Variants in DNAH5 observed in about 807,000 individuals in gnomAD.
DNAH5 encodes dynein axonemal heavy chain 5.
DNAH5 carries 372 observed loss-of-function variants against 518.2 expected under a neutral mutation model. The observed-to-expected ratio is 0.72, with a 90% confidence interval of 0.66 to 0.78. DNAH5 has a LOEUF of 0.78. DNAH5 is among the 30% of genes least tolerant of loss of function. DNAH5 has a pLI of 0.00. For missense variants in DNAH5, 5,523 were observed against 5,687.0 expected (o/e 0.97, Z 0.93); for synonymous variants, 2,039 against 2,025.9 (o/e 1.01, Z -0.17).
At chr5:14,006,057 T>C (rs429023) in intron 1 of DNAH5, among the ~76,000 whole-genome samples, 111,103 of 150,066 alleles carry the variant, frequency 0.74, 41,477 homozygotes, top group East Asian at 0.97. Context: ...TGCTTCTTTC[T>C]CCCACCCAAC....
chr5:14,000,151 C>G (rs1784249411), intron 1 of DNAH5, among the ~76,000 whole-genome samples: 1 of 152,144 alleles, frequency 6.6e-6, no homozygotes, highest in Non-Finnish European at 1.5e-5. Context: ...GATGAGGTCA[C>G]TAGGGTGGGC....
intron 44 of DNAH5, among the ~76,000 whole-genome samples, chr5:13,810,777 A>C (rs1263578413): frequency 6.6e-6 from 1 of 150,696 alleles, no homozygotes; most frequent in Non-Finnish European, 1.5e-5. Context: ...AACAAACAAA[A>C]AAACAGGGTT....
At chr5:13,751,431 A>T (rs2126691010) in intron 64 of DNAH5, among the ~76,000 whole-genome samples, 171 bp from the exon 65 acceptor site, 1 of 152,334 alleles carries the variant, frequency 6.6e-6, no homozygotes, top group Middle Eastern at 3.4e-3. Context: ...CTAGGATGAA[A>T]GAAAGGAAGC....
chr5:13,696,245 T>C (rs1741375688), intron 78 of DNAH5, among the ~76,000 whole-genome samples: 1 of 152,224 alleles, frequency 6.6e-6, no homozygotes, highest in Non-Finnish European at 1.5e-5. Flanking sequence ...CAGCTACAGC[T>C]CTGAAGTTCA....
chr5:13,911,259 G>A, intron 12 of DNAH5, 127 bp downstream of exon 12: 1 of 740,156 alleles, frequency 1.4e-6, no homozygotes, highest in Non-Finnish European at 2.4e-6. Flanking sequence ...CACAGGCTGA[G>A]GTTGCTATCG....
At chr5:13,811,122 G>A (rs188282662) in intron 44 of DNAH5, among the ~76,000 whole-genome samples, 37 of 152,216 alleles carry the variant, frequency 2.4e-4, no homozygotes, top group African/African-American at 5.1e-4. Context: ...GATGATGAAT[G>A]GGTGCAAAAA....
Position 13,735,149 on chromosome 5 carries a change from A to G in DNAH5, c.11743T>C (p.Phe3915Leu), listed in dbSNP as rs769407360. ...IQRNRVKHEE[F>L]LTLIKGGASL... ...TATTGACCTTTAATAAGAGTGAGAAACTCTTCATGCTTGACTCGGTTCCTC... is the reference window on the plus strand; with the variant it reads ...TATTGACCTTTAATAAGAGTGAGAAGCTCTTCATGCTTGACTCGGTTCCTC... Residue 3915 changes from phenylalanine to leucine, a missense_variant, in exon 68 of 79, where the codon TTT (phenylalanine) becomes CTT (leucine). This residue lies in a region of DNAH5 where 5,121 missense variants were observed against 5,223.3 expected (regional missense o/e 0.98). Coordinates refer to ENST00000265104, the MANE Select transcript of DNAH5 (RefSeq NM_001369.3). The G allele has an allele frequency of 1.9e-6, 3 of 1,614,036 alleles. No homozygotes were observed. The highest frequency in any genetic ancestry group is 2.2e-5 in the South Asian group (2 of 91,082).
chr5:13,938,464 ATTATTG>A (rs1159688222), intron 1 of DNAH5, among the ~76,000 whole-genome samples: 2 of 151,894 alleles, frequency 1.3e-5, no homozygotes, highest in Non-Finnish European at 2.9e-5. Context: ...CTATTTTATT[ATTATTG>A]TTGTTGTTAA....
intron 77 of DNAH5, 121 bp from the exon 78 acceptor site, chr5:13,700,992 A>T: frequency 9.1e-7 from 1 of 1,096,924 alleles, no homozygotes; most frequent in Non-Finnish European, 1.4e-6. Flanking sequence ...AATAGTATTT[A>T]AAGAATTAGC....
At chr5:13,873,905 A>G (rs1770504291) in intron 22 of DNAH5, among the ~76,000 whole-genome samples, 1 of 152,212 alleles carries the variant, frequency 6.6e-6, no homozygotes, top group Admixed American at 6.5e-5. Context: ...AATTTAGCTG[A>G]TAAAGAATAA....
chr5:13,848,230 T>A (rs1168058858), intron 31 of DNAH5, among the ~76,000 whole-genome samples: 2 of 152,220 alleles, frequency 1.3e-5, no homozygotes, highest in Non-Finnish European at 1.5e-5. Context: ...TTTTTCTAAA[T>A]CTTTATGTTA....
rs184502733 is a variant in DNAH5 at position 13,706,607 on chromosome 5, C to T, written c.13338+1516G>A. Among the ~76,000 whole-genome samples the T allele has an allele frequency of 7.5e-4, 114 of 152,304 alleles. 1 individual carries two copies. The highest frequency in any genetic ancestry group is 2.6e-3 in the African/African-American group (108 of 41,560). ...CACATCACACACAGACACATGCACACACAAATACAGAACAAAGAGAAGAAT... is the reference window on the plus strand; with the variant it reads ...CACATCACACACAGACACATGCACATACAAATACAGAACAAAGAGAAGAAT... On this transcript the variant is annotated intron_variant, in intron 76 of 78. Coordinates refer to ENST00000265104, the MANE Select transcript of DNAH5 (RefSeq NM_001369.3).
intron 18 of DNAH5, 128 bp downstream of exon 18, chr5:13,885,836 T>C: frequency 3.4e-6 from 3 of 875,448 alleles, no homozygotes; most frequent in Non-Finnish European, 5.3e-6. Flanking sequence ...TTCAGATTTA[T>C]ACATATCATT....
chr5:13,845,979 T>C (rs1167270356), intron 31 of DNAH5, among the ~76,000 whole-genome samples: 2 of 150,774 alleles, frequency 1.3e-5, no homozygotes, highest in Non-Finnish European at 3.0e-5. Context: ...TACAGGCCTG[T>C]GCCACCACGC....
chr5:13,997,989 A>G (rs949985631), intron 1 of DNAH5, among the ~76,000 whole-genome samples: 6 of 152,008 alleles, frequency 3.9e-5, no homozygotes, highest in African/African-American at 1.4e-4. Context: ...GACTACAGGC[A>G]TGTACCACCA....
intron 60 of DNAH5, among the ~76,000 whole-genome samples, chr5:13,760,833 C>T (rs1054782649): frequency 6.6e-6 from 1 of 152,170 alleles, no homozygotes; most frequent in Non-Finnish European, 1.5e-5. Context: ...AAGTTAAAGT[C>T]GTAGGTCTGA....
rs530605741 is a variant in DNAH5 at position 13,746,789 on chromosome 5, AT to A, written c.11211+4288del. ...ATCCATTTTCTTTTACCCTTGGCTC[AT>A]TTTTTTTCTATAAAATATCAATAAT... On this transcript the variant is annotated intron_variant, in intron 65 of 78. Transcript: ENST00000265104. 2.6e-5 allele frequency among the ~76,000 whole-genome samples: 4 copies of A among 151,752 alleles called. No homozygotes were observed. The South Asian group carries it at 8.3e-4, about 32-fold the overall frequency.
At chr5:14,002,553 T>G (rs1160044306) in intron 1 of DNAH5, among the ~76,000 whole-genome samples, 1 of 152,192 alleles carries the variant, frequency 6.6e-6, no homozygotes, top group Non-Finnish European at 1.5e-5. Context: ...AAACAATATG[T>G]GTTTAAATAG....
chr5:13,743,947 G>C (rs1748978099), intron 65 of DNAH5, among the ~76,000 whole-genome samples: 1 of 151,880 alleles, frequency 6.6e-6, no homozygotes, highest in African/African-American at 2.4e-5. Context: ...GAAACAAATA[G>C]AACTACCACA....
Sources: gnomAD v4.1 joint callset for allele counts (sites outside exome capture counted in the v4.1 genomes callset) on GRCh38, gnomAD v4.1.1 for gene constraint, gnomAD v4.1.1 regional missense constraint, MANE v1.5 for transcripts, NCBI Gene and HGNC (gene_info 2026-07-23, HGNC 2026-07-21) for gene names.